The following PHF21A variants were observed in gnomAD, a reference collection of about 807,000 sequenced individuals.
PHF21A encodes the protein BHC80a.
Under a neutral mutation model 82.5 loss-of-function variants are expected in PHF21A, and 11 were observed. That is an observed-to-expected ratio of 0.13 (90% CI 0.08 to 0.22). The LOEUF is 0.22. PHF21A is among the 10% of genes least tolerant of loss of function. The probability of loss-of-function intolerance (pLI) is 1.00; values close to 1 mark genes in which losing one functional copy is unlikely to be tolerated. For missense variants in PHF21A, 579 were observed against 837.8 expected (o/e 0.69, Z 3.81); for synonymous variants, 297 against 302.8 (o/e 0.98, Z 0.20).
chr11:46,079,461 CAAAA>C (rs2096764121), intron 4 of PHF21A, among the ~76,000 whole-genome samples: 1 of 152,168 alleles, frequency 6.6e-6, no homozygotes, highest in Non-Finnish European at 1.5e-5. Context: ...CTGGATGCTC[CAAAA>C]GCCAAGCATC....
At chr11:46,040,607 A>C (rs2096114341) in intron 6 of PHF21A, among the ~76,000 whole-genome samples, 1 of 152,174 alleles carries the variant, frequency 6.6e-6, no homozygotes, top group Admixed American at 6.5e-5. Context: ...TAGTGCACCA[A>C]AAATAACAGT....
At chr11:46,089,668 T>G (rs2096900486) in intron 3 of PHF21A, among the ~76,000 whole-genome samples, 1 of 152,064 alleles carries the variant, frequency 6.6e-6, no homozygotes, top group Admixed American at 6.6e-5. Flanking sequence ...GATGTTTCTA[T>G]ACTATTAAAT....
At chr11:46,025,715 AT>A (rs967452707) in intron 6 of PHF21A, among the ~76,000 whole-genome samples, 30 of 152,004 alleles carry the variant, frequency 2.0e-4, no homozygotes, top group African/African-American at 7.0e-4. Flanking sequence ...TCTTTACCAC[AT>A]TTTTTTTATT....
chr11:46,111,308 A>G (rs2097211601), intron 1 of PHF21A, among the ~76,000 whole-genome samples: 1 of 151,656 alleles, frequency 6.6e-6, no homozygotes, highest in Non-Finnish European at 1.5e-5. Context: ...CATCTCTACT[A>G]AAAATATAAC....
intron 15 of PHF21A, among the ~76,000 whole-genome samples, chr11:45,939,533 CA>C (rs1348369615): frequency 6.6e-6 from 1 of 151,990 alleles, no homozygotes; most frequent in Non-Finnish European, 1.5e-5. Context: ...CTCCTAAAAC[CA>C]GTATTTTGTG....
chr11:45,990,035 T>C (rs1340006053), intron 6 of PHF21A, among the ~76,000 whole-genome samples: 2 of 152,000 alleles, frequency 1.3e-5, no homozygotes, highest in Admixed American at 6.6e-5. Context: ...ATTTTTTAAA[T>C]CTTAAGCCTG....
chr11:46,024,908 T>A (rs971391063), intron 6 of PHF21A, among the ~76,000 whole-genome samples: 2 of 152,250 alleles, frequency 1.3e-5, no homozygotes, highest in African/African-American at 4.8e-5. Flanking sequence ...CTCCTAGTTC[T>A]AGACTAGTCT....
At chr11:46,019,489 A>G (rs1165386777) in intron 6 of PHF21A, among the ~76,000 whole-genome samples, 4 of 152,188 alleles carry the variant, frequency 2.6e-5, no homozygotes, top group Admixed American at 2.6e-4. Flanking sequence ...AAAGCTGGCT[A>G]AAAGCAGGGA....
intron 4 of PHF21A, among the ~76,000 whole-genome samples, chr11:46,080,467 G>T (rs938255006): frequency 6.6e-6 from 1 of 151,264 alleles, no homozygotes; most frequent in Non-Finnish European, 1.5e-5. Context: ...TTCTTAAAAA[G>T]AAGAAAAAAA....
intron 6 of PHF21A, among the ~76,000 whole-genome samples, chr11:45,997,263 C>T (rs1235530163): frequency 1.3e-5 from 2 of 152,152 alleles, no homozygotes; most frequent in African/African-American, 4.8e-5. Context: ...CCATTACAAA[C>T]TTACATTGCT....
At chr11:46,030,765 G>C (rs185089807) in intron 6 of PHF21A, among the ~76,000 whole-genome samples, 1 of 148,942 alleles carries the variant, frequency 6.7e-6, no homozygotes, top group Non-Finnish European at 1.5e-5. Flanking sequence ...TTTTTAATTT[G>C]TAACTTTAAG....
At chr11:45,990,088 A>G (rs574533658) in intron 6 of PHF21A, among the ~76,000 whole-genome samples, 15 of 152,272 alleles carry the variant, frequency 9.9e-5, no homozygotes, top group Admixed American at 5.2e-4. Flanking sequence ...ACAAAATCTA[A>G]TTACAAAATC....
chr11:45,985,612 A>C (rs2136444324), intron 6 of PHF21A, among the ~76,000 whole-genome samples: 1 of 152,376 alleles, frequency 6.6e-6, no homozygotes, highest in East Asian at 1.9e-4. Context: ...ATAAAAATAT[A>C]CTTAGCTAAA....
chr11:46,060,325 A>G (rs2096519114), intron 6 of PHF21A, among the ~76,000 whole-genome samples: 1 of 152,192 alleles, frequency 6.6e-6, no homozygotes, highest in African/African-American at 2.4e-5. Context: ...AACTTTTGAA[A>G]AACAAATGTT....
At chr11:46,103,989 A>G (rs1474664869) in intron 1 of PHF21A, among the ~76,000 whole-genome samples, 1 of 152,192 alleles carries the variant, frequency 6.6e-6, no homozygotes, top group Non-Finnish European at 1.5e-5. Context: ...TTTTCTCATA[A>G]TCAACTTGTT....
intron 17 of PHF21A, 120 bp downstream of exon 17, chr11:45,936,374 A>G: frequency 1.6e-6 from 1 of 640,082 alleles, no homozygotes; most frequent in Non-Finnish European, 2.7e-6. Context: ...TCCAATAGTT[A>G]AGGGCAAAAG....
At chr11:45,980,058 G>A (rs1030852752) in intron 6 of PHF21A, 92 bp from the exon 7 acceptor site, 5 of 1,562,204 alleles carry the variant, frequency 3.2e-6, no homozygotes, top group African/African-American at 2.7e-5. Flanking sequence ...TCTATAAATA[G>A]CTTCATCTAA....
chr11:46,087,716 T>C (rs549184318), intron 3 of PHF21A, among the ~76,000 whole-genome samples: 3 of 152,296 alleles, frequency 2.0e-5, no homozygotes, highest in Admixed American at 6.5e-5. Flanking sequence ...AGGGGTCTCA[T>C]ATGTTGCCCA....
chr11:46,108,022 T>G (rs1187914952), intron 1 of PHF21A, among the ~76,000 whole-genome samples: 2 of 152,186 alleles, frequency 1.3e-5, no homozygotes, highest in Non-Finnish European at 2.9e-5. Context: ...TAAGCAGTAC[T>G]ACTTTGAGTT....
Sources: allele counts gnomAD v4.1 joint callset (sites outside exome capture counted in the v4.1 genomes callset), GRCh38; gene constraint gnomAD v4.1.1; transcripts MANE v1.5; gene names NCBI Gene and HGNC (gene_info 2026-07-23, HGNC 2026-07-21).